The following ACSL1 variants were observed in gnomAD, a reference collection of about 807,000 sequenced individuals.
ACSL1 encodes long-chain-fatty-acid--CoA ligase 1.
Under a neutral mutation model 98.4 loss-of-function variants are expected in ACSL1, and 41 were observed. The ratio of observed to expected loss-of-function variants is 0.42; its 90% confidence interval spans 0.32 to 0.54. The LOEUF (loss-of-function observed/expected upper bound fraction) is 0.54. Ranked by LOEUF, ACSL1 falls within the 20% of genes least tolerant of loss-of-function variation. The pLI is 0.13. For missense variants in ACSL1, 734 were observed against 883.1 expected (o/e 0.83, Z 2.14); for synonymous variants, 316 against 322.7 (o/e 0.98, Z 0.22).
Position 184,773,003 on chromosome 4 carries a change from G to A in ACSL1, c.915+78C>T, listed in dbSNP as rs1338403220. On this transcript the variant is annotated intron_variant, in intron 10 of 20. Transcript: ENST00000281455. The surrounding 1 kb of genome is among the most constrained non-coding windows in gnomAD (Gnocchi z 4.3). Reference sequence around the variant, plus strand: ...AATGCCACATGGACCTAACACACTGGTGCCCACCTTCAGCACTTTCATTCT... The same window carrying A: ...AATGCCACATGGACCTAACACACTGATGCCCACCTTCAGCACTTTCATTCT... The A allele has an allele frequency of 4.3e-6, 6 of 1,397,118 alleles. No homozygotes were observed. Among genetic ancestry groups the A allele is most frequent in the Non-Finnish European group, 5.0e-6 (5 of 991,408 alleles). 86.5% of individuals were successfully genotyped at this position (1,397,118 alleles called of 1,614,324 possible). A position where few individuals can be genotyped will look rare whatever the true frequency, so the allele number is the denominator to read the frequency against.
At chr4:184,791,178 T>C (rs1768287754) in intron 2 of ACSL1, among the ~76,000 whole-genome samples, 2 of 152,248 alleles carry the variant, frequency 1.3e-5, no homozygotes, top group Admixed American at 6.5e-5. Flanking sequence ...TCTTTTTCAG[T>C]GCTCTCTCTT....
At chr4:184,814,282 C>T (rs1171574652) in intron 1 of ACSL1, among the ~76,000 whole-genome samples, 2 of 127,228 alleles carry the variant, frequency 1.6e-5, no homozygotes, top group African/African-American at 6.1e-5. Flanking sequence ...CAGAGCGAGA[C>T]TCCGCCTCAA....
chr4:184,767,185 G>T (rs932417195), intron 12 of ACSL1, among the ~76,000 whole-genome samples: 2 of 151,820 alleles, frequency 1.3e-5, no homozygotes, highest in African/African-American at 2.4e-5. Context: ...AGGAGGCTAA[G>T]GTGGGAGGAC....
Position 184,803,456 on chromosome 4 carries a change from T to C in ACSL1, c.59A>G (p.Gln20Arg). 1 of 1,612,656 alleles carries C rather than the reference T, an allele frequency of 6.2e-7. No homozygotes were observed. The highest frequency in any genetic ancestry group is 8.5e-7 in the Non-Finnish European group (1 of 1,179,246). The change falls in exon 2 of 21, where the codon CAG (glutamine) becomes CGG (arginine). Residue 20 changes from glutamine to arginine, a missense_variant. Physicochemically the swap from Gln to Arg is conservative, Grantham distance 43. Coordinates refer to ENST00000281455, the MANE Select transcript of ACSL1 (RefSeq NM_001995.5). This position sits in a 1 kb window ranked among gnomAD's most constrained non-coding sequence, Gnocchi z 4.8. ...GTTGGTCGGAAGAGTACGCACGTAC[T>C]GTCGGAAGTCAACCAGCTCTGGCAT... ...FRMPELVDFR[Q>R]YVRTLPTNTL...
At chr4:184,771,560 G>T (rs1300163058) in intron 10 of ACSL1, among the ~76,000 whole-genome samples, 1 of 152,180 alleles carries the variant, frequency 6.6e-6, no homozygotes, top group African/African-American at 2.4e-5. Flanking sequence ...GACAGATTAA[G>T]TTTGGACATC....
In ACSL1 at chr4:184,777,066, A is replaced by G. The variant is rs1462749993; in HGVS notation, c.478-83T>C. On this transcript the variant is annotated intron_variant, in intron 5 of 20. Coordinates refer to ENST00000281455, the MANE Select transcript of ACSL1 (RefSeq NM_001995.5). ...GGAGAACAATACTCAAGAGAGATTC[A>G]AAGTGAAAACATTTGACGCAGCAAA... is the stretch of plus-strand genomic sequence containing the variant. 1.0e-5 allele frequency: 13 copies of G among 1,279,662 alleles called. No individual in the cohort carries two copies. The East Asian group carries it at 2.9e-4, about 29-fold the overall frequency. 79.3% of individuals were successfully genotyped at this position (1,279,662 alleles called of 1,614,324 possible). A position where few individuals can be genotyped will look rare whatever the true frequency, so the allele number is the denominator to read the frequency against.
chr4:184,758,602 T>A (rs1403769202), intron 18 of ACSL1: 1 of 151,940 alleles, frequency 6.6e-6, no homozygotes, highest in Admixed American at 6.6e-5. Context: ...TAAAGAAAAA[T>A]CTCTAATATC....
At chr4:184,794,719 G>A (rs994783432) in intron 2 of ACSL1, among the ~76,000 whole-genome samples, 8 of 152,150 alleles carry the variant, frequency 5.3e-5, no homozygotes, top group African/African-American at 1.2e-4. Flanking sequence ...TTTGCTTGGC[G>A]GTTCACAGGC....
At chr4:184,785,749 C>A (rs1319141508) in intron 3 of ACSL1, among the ~76,000 whole-genome samples, 1 of 151,894 alleles carries the variant, frequency 6.6e-6, no homozygotes, top group East Asian at 1.9e-4. Context: ...GGGGAGCAAG[C>A]GACCAAAGAA....
intron 17 of ACSL1, among the ~76,000 whole-genome samples, chr4:184,761,544 T>TA (rs1398906138): frequency 2.2e-4 from 34 of 152,230 alleles, no homozygotes; most frequent in Non-Finnish European, 4.0e-4. Flanking sequence ...ACTCTTAAGA[T>TA]AGACTCTTCA....
intron 1 of ACSL1, chr4:184,814,013 G>A (rs1213831496): frequency 7.5e-6 from 3 of 399,362 alleles, no homozygotes; most frequent in Non-Finnish European, 1.0e-5. Flanking sequence ...ATGTAAGGCT[G>A]GGCACAGTGG....
Position 184,773,921 on chromosome 4 carries a change from C to T in ACSL1, c.757-46G>A. On this transcript the variant is annotated intron_variant, in intron 7 of 20. Transcript: ENST00000281455. The surrounding 1 kb of genome is among the most constrained non-coding windows in gnomAD (Gnocchi z 4.3). ...AGTCTTAAATGGAAACGTTTTCTAACTGTAAAGGATAAGGTCACATCGAGT... is the reference window on the plus strand; with the variant it reads ...AGTCTTAAATGGAAACGTTTTCTAATTGTAAAGGATAAGGTCACATCGAGT... The T allele has an allele frequency of 1.9e-6, 3 of 1,608,868 alleles. No homozygotes were observed. Among genetic ancestry groups the T allele is most frequent in the Non-Finnish European group, 2.6e-6 (3 of 1,176,280 alleles).
chr4:184,818,651 C>A (rs1772819095), intron 1 of ACSL1, among the ~76,000 whole-genome samples: 1 of 152,162 alleles, frequency 6.6e-6, no homozygotes, highest in South Asian at 2.1e-4. Context: ...CTGTATTAAA[C>A]GCTGCTGAAA....
At chr4:184,776,368 G>T in intron 7 of ACSL1, 116 bp downstream of exon 7, 1 of 1,179,320 alleles carries the variant, frequency 8.5e-7, no homozygotes. Flanking sequence ...GGGTTGCGGA[G>T]GCAACCGGCC....
intron 2 of ACSL1, among the ~76,000 whole-genome samples, chr4:184,801,947 A>G (rs1770596236): frequency 6.6e-6 from 1 of 152,260 alleles, no homozygotes; most frequent in South Asian, 2.1e-4. Flanking sequence ...ATGTCTTAAC[A>G]CTGCACTTGC....
rs1179953200 is a variant in ACSL1 at position 184,757,366 on chromosome 4, A to G, written c.1957-101T>C. 7.1e-7 allele frequency: 1 copy of G among 1,414,144 alleles called. No individual in the cohort carries two copies. 87.6% of individuals were successfully genotyped at this position (1,414,144 alleles called of 1,614,324 possible). On this transcript the variant is annotated intron_variant, in intron 20 of 20. Transcript: ENST00000281455. This position sits in a 1 kb window ranked among gnomAD's most constrained non-coding sequence, Gnocchi z 4.5. ...GGGATCAACACTCTCCAGCCATCCA[A>G]TCCATCCTCTCATTTCAGCCAAGCT...
At position 184,766,048 on chromosome 4, in the gene ACSL1, C is replaced by A. The variant is rs1003913801; in HGVS notation, c.1264-62G>T. On this transcript the variant is annotated intron_variant, in intron 13 of 20. Transcript: ENST00000281455. This position sits in a 1 kb window ranked among gnomAD's most constrained non-coding sequence, Gnocchi z 4.8. The stretch of plus-strand genomic sequence containing the variant: ...CACACCTGGAAGTCGGCGGCCTCTC[C>A]GCCAAGGGGGCCTGCTTGGGACCCC... The A allele has an allele frequency of 1.9e-6, 3 of 1,539,160 alleles. No individual in the cohort carries two copies. Among genetic ancestry groups the A allele is most frequent in the Middle Eastern group, 1.7e-4 (1 of 5,764 alleles).
chr4:184,819,766 G>C (rs1772916198), intron 1 of ACSL1, among the ~76,000 whole-genome samples: 1 of 152,122 alleles, frequency 6.6e-6, no homozygotes, highest in African/African-American at 2.4e-5. Flanking sequence ...AGCCTGGAAG[G>C]CTTCTGCTTA....
intron 17 of ACSL1, among the ~76,000 whole-genome samples, chr4:184,761,480 A>G (rs7679708): frequency 1 from 152,018 of 152,328 alleles, 75,855 homozygotes; most frequent in Non-Finnish European, 1. Context: ...GAAACAGCAG[A>G]TTACTGGTCA....
Sources: gnomAD v4.1 joint callset for allele counts (sites outside exome capture counted in the v4.1 genomes callset) on GRCh38, gnomAD v4.1.1 for gene constraint, Gnocchi (gnomAD v3.1) non-coding constraint, MANE v1.5 for transcripts, NCBI Gene and HGNC (gene_info 2026-07-23, HGNC 2026-07-21) for gene names.